EYS: variants seen among roughly 807,000 people sequenced by gnomAD.
The protein encoded by EYS is protein eyes shut homolog.
A neutral mutation model predicts 282.1 loss-of-function variants in EYS; 250 were observed. That is an observed-to-expected ratio of 0.89 (90% confidence interval 0.80 to 0.98). EYS has a LOEUF of 0.98. Ranked by LOEUF, EYS falls within the 50% of genes least tolerant of loss-of-function variation. The pLI is 0.00. For synonymous variants in EYS, 1,355 were observed against 1,282.9 expected, an observed-to-expected ratio of 1.06 and a Z score of -1.20; for missense variants, 4,016 against 3,709.0, an observed-to-expected ratio of 1.08 and a Z score of -2.15.
chr6:65,654,978 T>TAAAAAAAAAAAAAAAAAAAAAA (rs36088825), intron 1 of EYS, among the ~76,000 whole-genome samples: 1 of 99,910 alleles, frequency 1.0e-5, no homozygotes, highest in Non-Finnish European at 2.0e-5. Context: ...GGTCATTCAT[T>TAAAAAAAAAAAAAAAAAAAAAA]AAAAAAAAAA....
chr6:65,644,324 A>G (rs2149815025), intron 1 of EYS, among the ~76,000 whole-genome samples: 1 of 152,322 alleles, frequency 6.6e-6, no homozygotes, highest in Middle Eastern at 3.4e-3. Flanking sequence ...AGAACTTCAG[A>G]GCTTGAAGAC....
chr6:64,712,058 T>A (rs945093374), intron 22 of EYS, among the ~76,000 whole-genome samples: 4 of 152,214 alleles, frequency 2.6e-5, no homozygotes, highest in Admixed American at 6.5e-5. Context: ...AGGATTTAAC[T>A]CGTAACTTGG....
chr6:64,370,523 T>C (rs1772328377), intron 29 of EYS, among the ~76,000 whole-genome samples: 1 of 152,168 alleles, frequency 6.6e-6, no homozygotes, highest in African/African-American at 2.4e-5. Context: ...ATCAAGATGA[T>C]TTTGGCCTCA....
At chr6:64,606,510 CCACAGTTGTCA>C (rs1766942549) in intron 24 of EYS, among the ~76,000 whole-genome samples, 1 of 152,022 alleles carries the variant, frequency 6.6e-6, no homozygotes. Flanking sequence ...ACCCAAACAG[CCACAGTTGTCA>C]CACACCAATG....
At chr6:65,397,286 G>A (rs149404531) in intron 7 of EYS, among the ~76,000 whole-genome samples, 6 of 151,658 alleles carry the variant, frequency 4.0e-5, no homozygotes, top group Non-Finnish European at 7.4e-5. Context: ...ATTACATAGC[G>A]GTGAAGTCTG....
At chr6:65,329,224 T>G in intron 11 of EYS, 4 of 384,330 alleles carry the variant, frequency 1.0e-5, no homozygotes, top group Non-Finnish European at 1.4e-5. Flanking sequence ...ATATGAGAGA[T>G]AATTGTGTAT....
At chr6:64,379,751 T>A in intron 29 of EYS, 1 of 152,124 alleles carries the variant, frequency 6.6e-6, no homozygotes, top group East Asian at 1.9e-4. Flanking sequence ...TGAGATAATA[T>A]CTTAATACAA....
chr6:64,782,149 T>C (rs1211788805), intron 22 of EYS, among the ~76,000 whole-genome samples: 4 of 152,248 alleles, frequency 2.6e-5, no homozygotes, highest in Non-Finnish European at 4.4e-5. Context: ...GCAGATCATA[T>C]GTTTTAACAA....
chr6:64,307,561 TG>T (rs2150376274), intron 29 of EYS, among the ~76,000 whole-genome samples: 1 of 151,756 alleles, frequency 6.6e-6, no homozygotes, highest in South Asian at 2.1e-4. Context: ...AGGCTGTGGG[TG>T]GGGAAAAAAT....
intron 18 of EYS, among the ~76,000 whole-genome samples, chr6:64,898,136 C>A (rs1433308637): frequency 6.6e-6 from 1 of 151,490 alleles, no homozygotes; most frequent in African/African-American, 2.4e-5. Flanking sequence ...GAAAAGCAAC[C>A]CCAAGGCACA....
chr6:64,712,724 G>C (rs1771252686), intron 22 of EYS, among the ~76,000 whole-genome samples: 1 of 152,214 alleles, frequency 6.6e-6, no homozygotes, highest in African/African-American at 2.4e-5. Context: ...TGCCACTGCA[G>C]TAATTTCCTG....
intron 24 of EYS, among the ~76,000 whole-genome samples, chr6:64,615,431 T>C (rs1767241856): frequency 6.6e-6 from 1 of 152,150 alleles, no homozygotes; most frequent in Admixed American, 6.6e-5. Context: ...ATTTACAAAT[T>C]TAACGTGCTA....
intron 15 of EYS, among the ~76,000 whole-genome samples, chr6:64,942,594 A>G (rs984543147): frequency 6.6e-6 from 1 of 151,438 alleles, no homozygotes; most frequent in Non-Finnish European, 1.5e-5. Flanking sequence ...GAACACCTCC[A>G]TACACATAAA....
chr6:64,976,974 C>A (rs1770492488), intron 14 of EYS, among the ~76,000 whole-genome samples: 1 of 151,882 alleles, frequency 6.6e-6, no homozygotes, highest in South Asian at 2.1e-4. Context: ...CTCACTGCAA[C>A]CTCTGCCTCC....
At chr6:64,682,922 T>C (rs1208259732) in intron 22 of EYS, among the ~76,000 whole-genome samples, 4 of 152,176 alleles carry the variant, frequency 2.6e-5, no homozygotes, top group African/African-American at 9.7e-5. Context: ...TCCTGACCCA[T>C]ATGGATTCAC....
intron 32 of EYS, among the ~76,000 whole-genome samples, chr6:64,081,358 T>A (rs1215407321): frequency 6.6e-6 from 1 of 152,146 alleles, no homozygotes; most frequent in African/African-American, 2.4e-5. Context: ...CAGAGAACTC[T>A]GGATGTAAAG....
chr6:64,523,498 A>C (rs921718066), intron 26 of EYS, among the ~76,000 whole-genome samples: 2 of 151,814 alleles, frequency 1.3e-5, no homozygotes, highest in Non-Finnish European at 2.9e-5. Context: ...CCCTTGAAGC[A>C]AGATACTGTA....
intron 35 of EYS, among the ~76,000 whole-genome samples, chr6:63,965,140 A>G (rs1410465663): frequency 3.9e-5 from 6 of 152,182 alleles, no homozygotes; most frequent in African/African-American, 1.4e-4. Context: ...TGCTTACAGA[A>G]TGCTTTTGGC....
intron 11 of EYS, among the ~76,000 whole-genome samples, chr6:65,313,928 G>T (rs1769228730): frequency 6.6e-6 from 1 of 152,126 alleles, no homozygotes; most frequent in Admixed American, 6.5e-5. Flanking sequence ...GGCCTGCAAG[G>T]TGGTATCTGA....
Sources: allele counts gnomAD v4.1 joint callset (sites outside exome capture counted in the v4.1 genomes callset), GRCh38; gene constraint gnomAD v4.1.1; transcripts MANE v1.5; gene names NCBI Gene and HGNC (gene_info 2026-07-23, HGNC 2026-07-21).